Variants in LUZP2 observed in about 807,000 individuals in gnomAD.
The protein encoded by LUZP2 is leucine zipper protein 2.
Under a neutral mutation model 51.6 loss-of-function variants are expected in LUZP2, and 52 were observed. The ratio of observed to expected loss-of-function variants is 1.01; its 90% confidence interval spans 0.81 to 1.27. The LOEUF is 1.27. Among genes scored for constraint, LUZP2 ranks in the 50% most tolerant of loss-of-function variants. The pLI is 0.00. For synonymous variants in LUZP2, 154 were observed against 137.3 expected, an observed-to-expected ratio of 1.12 and a Z score of -0.85; for missense variants, 436 against 395.4, an observed-to-expected ratio of 1.10 and a Z score of -0.87.
At chr11:25,050,282 CTTTATGTTCTT>C in intron 10 of LUZP2, 152 bp downstream of exon 10, 1 of 102,622 alleles carries the variant, frequency 9.7e-6, no homozygotes, top group Non-Finnish European at 2.0e-5. Context: ...AGTAAATGTT[CTTTATGTTCTT>C]TTTTTTTTTT....
At chr11:24,559,030 T>G (rs893662155) in intron 1 of LUZP2, among the ~76,000 whole-genome samples, 5 of 152,146 alleles carry the variant, frequency 3.3e-5, no homozygotes, top group African/African-American at 1.2e-4. Flanking sequence ...AAAAGTAGAC[T>G]TCAGAACAAG....
chr11:24,922,842 T>C (rs939424391), intron 7 of LUZP2, among the ~76,000 whole-genome samples: 3 of 104,700 alleles, frequency 2.9e-5, no homozygotes, highest in African/African-American at 1.2e-4. Flanking sequence ...TTTTTCTTTT[T>C]TTTTTTTTTT....
intron 7 of LUZP2, among the ~76,000 whole-genome samples, chr11:24,941,593 A>G (rs1854747885): frequency 6.6e-6 from 1 of 152,166 alleles, no homozygotes; most frequent in South Asian, 2.1e-4. Context: ...TCTAATGTAG[A>G]TAGTTAGAAA....
intron 3 of LUZP2, among the ~76,000 whole-genome samples, chr11:24,733,028 C>G (rs1858771409): frequency 6.8e-6 from 1 of 146,092 alleles, no homozygotes; most frequent in Admixed American, 6.8e-5. Flanking sequence ...AAAACTGTTT[C>G]AAAGTTTACA....
chr11:24,846,552 A>C (rs1851205800), intron 5 of LUZP2, among the ~76,000 whole-genome samples: 2 of 152,140 alleles, frequency 1.3e-5, no homozygotes, highest in Admixed American at 6.5e-5. Flanking sequence ...AAGAAAAAGA[A>C]ATGAAATAAA....
At chr11:24,885,216 C>T (rs1332324163) in intron 5 of LUZP2, among the ~76,000 whole-genome samples, 1 of 152,068 alleles carries the variant, frequency 6.6e-6, no homozygotes, top group Non-Finnish European at 1.5e-5. Flanking sequence ...TCAAAGCCCT[C>T]AACCTTCTTG....
intron 9 of LUZP2, among the ~76,000 whole-genome samples, chr11:24,996,054 A>C (rs918216017): frequency 6.7e-6 from 1 of 150,090 alleles, no homozygotes; most frequent in African/African-American, 2.4e-5. Flanking sequence ...TCTCTTTGTT[A>C]TTGGTTTCCT....
intron 9 of LUZP2, among the ~76,000 whole-genome samples, chr11:25,006,321 A>C (rs1856833621): frequency 6.6e-6 from 1 of 152,128 alleles, no homozygotes; most frequent in East Asian, 1.9e-4. Context: ...GTCAGGATAG[A>C]TAGGATAGAT....
intron 7 of LUZP2, among the ~76,000 whole-genome samples, chr11:24,921,635 C>A (rs68102604): frequency 0.38 from 58,200 of 151,928 alleles, 13,594 homozygotes; most frequent in East Asian, 0.72. Context: ...CACTGAGAAC[C>A]TTTACCCTTA....
rs577980822 is a variant in LUZP2 at position 24,827,580 on chromosome 11, G to T, written c.396+64272G>T. Reference sequence around the variant, plus strand: ...CTTGAAACTTGAGGGAACATTTTAGGTGAAAAGAATTATAGCAGGACAATA... The same window carrying T: ...CTTGAAACTTGAGGGAACATTTTAGTTGAAAAGAATTATAGCAGGACAATA... On this transcript the variant is annotated intron_variant, in intron 5 of 11. Transcript: ENST00000336930. Among the ~76,000 whole-genome samples, 3 of 152,190 alleles carry T rather than the reference G, an allele frequency of 2.0e-5. No individual in the cohort carries two copies. The South Asian group carries it at 6.2e-4, about 32-fold the overall frequency.
At chr11:24,931,435 A>G (rs1219640045) in intron 7 of LUZP2, among the ~76,000 whole-genome samples, 2 of 152,088 alleles carry the variant, frequency 1.3e-5, no homozygotes, top group Admixed American at 1.3e-4. Context: ...AGACTTGGAA[A>G]AGAAAGAGAC....
At chr11:24,911,174 A>T (rs900733348) in intron 6 of LUZP2, among the ~76,000 whole-genome samples, 1 of 152,182 alleles carries the variant, frequency 6.6e-6, no homozygotes, top group African/African-American at 2.4e-5. Flanking sequence ...CTGGGAAGTA[A>T]CTAACTTGCT....
intron 1 of LUZP2, among the ~76,000 whole-genome samples, chr11:24,573,627 C>T (rs1852512233): frequency 6.6e-6 from 1 of 151,846 alleles, no homozygotes; most frequent in Non-Finnish European, 1.5e-5. Context: ...CATTAGCGTG[C>T]TCTGTTAGGA....
intron 5 of LUZP2, among the ~76,000 whole-genome samples, chr11:24,814,444 A>C (rs897185962): frequency 6.6e-6 from 1 of 152,196 alleles, no homozygotes; most frequent in Non-Finnish European, 1.5e-5. Flanking sequence ...GTGGTCCTTG[A>C]GGGCTTTATG....
intron 5 of LUZP2, among the ~76,000 whole-genome samples, chr11:24,779,842 T>C (rs752428499): frequency 4.6e-5 from 7 of 151,378 alleles, no homozygotes; most frequent in African/African-American, 7.3e-5. Context: ...CACACACACA[T>C]AGGGGAGGAA....
chr11:24,754,912 G>A (rs777469501), intron 4 of LUZP2, among the ~76,000 whole-genome samples: 2 of 152,144 alleles, frequency 1.3e-5, no homozygotes, highest in Admixed American at 6.5e-5. Flanking sequence ...TTGCGGGGGC[G>A]AGGTGGGTGG....
intron 9 of LUZP2, among the ~76,000 whole-genome samples, chr11:25,003,704 G>T (rs1856757385): frequency 6.6e-6 from 1 of 152,122 alleles, no homozygotes; most frequent in African/African-American, 2.4e-5. Flanking sequence ...GCCTGATTTT[G>T]ACTGGGCAGG....
At chr11:24,524,351 A>G (rs1291226989) in intron 1 of LUZP2, among the ~76,000 whole-genome samples, 1 of 151,774 alleles carries the variant, frequency 6.6e-6, no homozygotes, top group Non-Finnish European at 1.5e-5. Flanking sequence ...ACCTATCCTC[A>G]TGAGAACGCA....
At chr11:24,775,346 G>A (rs978974472) in intron 5 of LUZP2, among the ~76,000 whole-genome samples, 10 of 150,124 alleles carry the variant, frequency 6.7e-5, no homozygotes, top group Non-Finnish European at 1.2e-4. Context: ...TCCAATTTCA[G>A]GCCAGCTTAC....
Sources: allele counts gnomAD v4.1 joint callset (sites outside exome capture counted in the v4.1 genomes callset), GRCh38; gene constraint gnomAD v4.1.1; transcripts MANE v1.5; gene names NCBI Gene and HGNC (gene_info 2026-07-23, HGNC 2026-07-21).